Variants in C3orf49 observed in about 807,000 individuals in gnomAD.
C3orf49 encodes chromosome 3 open reading frame 49, also known as putative uncharacterized protein C3orf49.
C3orf49 carries 27 observed loss-of-function variants against 13.3 expected under a neutral mutation model. That is an observed-to-expected ratio of 2.02 (90% CI 1.49 to 2.79). The LOEUF (loss-of-function observed/expected upper bound fraction) is 2.79, where lower values mean the gene tolerates loss of function less well. Ranked by LOEUF, C3orf49 falls within the 30% of genes most tolerant of loss-of-function variation. The pLI is 0.00. For missense variants in C3orf49, 242 were observed against 134.2 expected (o/e 1.80, Z -3.97); for synonymous variants, 87 against 47.6 (o/e 1.83, Z -3.40).
intron 1 of C3orf49, among the ~76,000 whole-genome samples, chr3:63,821,021 A>G (rs534434131): frequency 6.6e-6 from 1 of 152,316 alleles, no homozygotes; most frequent in South Asian, 2.1e-4. Flanking sequence ...CCACATGGTA[A>G]TAAAAAGTAT....
intron 5 of C3orf49, chr3:63,834,130 G>A (rs1701575938): frequency 6.2e-7 from 1 of 1,613,970 alleles, no homozygotes; most frequent in East Asian, 2.2e-5. Flanking sequence ...CAATTAGCCT[G>A]TCTATGGCTT....
chr3:63,808,820 A>G, the C3orf49 span, among the ~76,000 whole-genome samples: 4 of 152,284 alleles, frequency 2.6e-5, no homozygotes, highest in East Asian at 7.7e-4. Flanking sequence ...AGAAAATGTG[A>G]TGTATCCAGG....
At chr3:63,833,182 C>T (rs1456380454) in intron 5 of C3orf49, among the ~76,000 whole-genome samples, 2 of 151,266 alleles carry the variant, frequency 1.3e-5, no homozygotes, top group East Asian at 1.9e-4. Flanking sequence ...CCACAACCTT[C>T]GCCTCCTGGG....
At chr3:63,845,621 T>C (rs1701875591) in intron 6 of C3orf49, among the ~76,000 whole-genome samples, 1 of 152,156 alleles carries the variant, frequency 6.6e-6, no homozygotes, top group Admixed American at 6.5e-5. Context: ...CTTTTTTTCT[T>C]ACATGTTTAG....
rs1701885382 is a variant in C3orf49, at chr3:63,845,974, A to C, written c.*30+892A>C. The C allele has an allele frequency of 1.8e-5, 3 of 171,058 alleles. No homozygotes were observed. In the South Asian group the frequency reaches 3.3e-4, roughly 19 times the overall value. The allele number at this position is 171,058 out of a possible 1,614,324, so 10.6% of individuals were successfully genotyped here. A position where few individuals can be genotyped will look rare whatever the true frequency, so the allele number is the denominator to read the frequency against. ...TGCACTCGAACCCCGAGCCTCCCAA[A>C]TTATGCAGAGAGAACAAAATTCTTA... On this transcript the variant is annotated intron_variant, in intron 6 of 6. Transcript: ENST00000295896.
At chr3:63,800,682 C>T in the C3orf49 span, among the ~76,000 whole-genome samples, 1 of 152,124 alleles carries the variant, frequency 6.6e-6, no homozygotes, top group South Asian at 2.1e-4. Context: ...GGTCACATAG[C>T]TAATACGTTA....
upstream of C3orf49, among the ~76,000 whole-genome samples, chr3:63,815,825 G>A (rs1211812672): frequency 3.5e-5 from 5 of 143,532 alleles, no homozygotes; most frequent in Admixed American, 3.5e-4. Flanking sequence ...GGAGTGCAGT[G>A]GCCTGATCTC....
the C3orf49 span, among the ~76,000 whole-genome samples, chr3:63,809,464 G>A: frequency 3.9e-5 from 6 of 152,160 alleles, no homozygotes; most frequent in South Asian, 2.1e-4. Context: ...CACATCTTAC[G>A]TGAGTGAGCT....
At chr3:63,798,610 T>C in the C3orf49 span, among the ~76,000 whole-genome samples, 16 of 152,218 alleles carry the variant, frequency 1.1e-4, no homozygotes, top group African/African-American at 3.6e-4. Flanking sequence ...CTCTTCCTAA[T>C]ATTAGAACTT....
rs202185519 is a variant in C3orf49, at chr3:63,831,857, T to C, written c.849+13T>C. On this transcript the variant is annotated intron_variant, in intron 5 of 6. Transcript: ENST00000295896. ...TAAATTAAAAAATGTGTGTTTCCCA[T>C]GTACCTGCTGCTGCTTCTGACTTTG... 8.6e-5 allele frequency: 60 copies of C among 695,920 alleles called. No homozygotes were observed. The East Asian group carries it at 1.5e-3, about 17-fold the overall frequency. 43.1% of individuals were successfully genotyped at this position (695,920 alleles called of 1,614,324 possible). A position where few individuals can be genotyped will look rare whatever the true frequency, so the allele number is the denominator to read the frequency against.
the C3orf49 span, among the ~76,000 whole-genome samples, chr3:63,813,121 G>A: frequency 6.6e-6 from 1 of 152,130 alleles, no homozygotes; most frequent in Non-Finnish European, 1.5e-5. Flanking sequence ...TTCTTTTAAT[G>A]GCTCCAATAC....
chr3:63,819,085 T>C (rs9842724), upstream of C3orf49, among the ~76,000 whole-genome samples: 118,500 of 152,072 alleles, frequency 0.78, 46,324 homozygotes, highest in Admixed American at 0.85. Context: ...TCAATTAGTG[T>C]GTGGGTGTTT....
intron 1 of C3orf49, among the ~76,000 whole-genome samples, chr3:63,820,381 A>T (rs2107092703): frequency 6.6e-6 from 1 of 152,352 alleles, no homozygotes. Context: ...ACACAAAAAT[A>T]TTTAAAAACT....
At chr3:63,813,043 C>T in the C3orf49 span, among the ~76,000 whole-genome samples, 1 of 152,136 alleles carries the variant, frequency 6.6e-6, no homozygotes, top group African/African-American at 2.4e-5. Context: ...ATCCTGCCTC[C>T]ACAGAACTCC....
the C3orf49 span, among the ~76,000 whole-genome samples, chr3:63,802,055 G>T: frequency 5.9e-5 from 9 of 152,194 alleles, no homozygotes; most frequent in Non-Finnish European, 1.0e-4. Flanking sequence ...GAATAGGCAG[G>T]GTGAACACAG....
At chr3:63,818,520 T>C (rs752543210), upstream of C3orf49, among the ~76,000 whole-genome samples, 6 of 152,186 alleles carry the variant, frequency 3.9e-5, no homozygotes, top group African/African-American at 7.2e-5. Context: ...GAAATCTGCA[T>C]CTTAAAAAGA....
the C3orf49 span, among the ~76,000 whole-genome samples, chr3:63,812,093 G>T: frequency 6.6e-6 from 1 of 152,048 alleles, no homozygotes; most frequent in African/African-American, 2.4e-5. Flanking sequence ...TGTGGGCTGA[G>T]TTGCCAGGGA....
intron 5 of C3orf49, among the ~76,000 whole-genome samples, chr3:63,840,315 T>C (rs1701730265): frequency 6.6e-6 from 1 of 152,008 alleles, no homozygotes; most frequent in African/African-American, 2.4e-5. Context: ...GAAAAAGGAA[T>C]GGATTTGTTA....
At chr3:63,806,262 G>C in the C3orf49 span, among the ~76,000 whole-genome samples, 1 of 152,176 alleles carries the variant, frequency 6.6e-6, no homozygotes, top group Non-Finnish European at 1.5e-5. Flanking sequence ...TGCCCCTGGC[G>C]CTAACACGCT....
Sources: gnomAD v4.1 joint callset for allele counts (sites outside exome capture counted in the v4.1 genomes callset) on GRCh38, gnomAD v4.1.1 for gene constraint, MANE v1.5 for transcripts, NCBI Gene and HGNC (gene_info 2026-07-23, HGNC 2026-07-21) for gene names.